RGS7: variants seen among roughly 807,000 people sequenced by gnomAD.
RGS7 encodes the protein regulator of G protein signaling 7.
In RGS7, 27 loss-of-function variants were observed where a neutral mutation model predicts 81.1. That is an observed-to-expected ratio of 0.33 (90% CI 0.25 to 0.46). The LOEUF is 0.46. RGS7 is among the 20% of genes least tolerant of loss of function. The pLI is 1.00. For synonymous variants in RGS7, 208 were observed against 207.7 expected (o/e 1.00, Z -0.01); for missense variants, 396 against 607.4 (o/e 0.65, Z 3.66).
chr1:240,882,242 G>C (rs554227090), intron 6 of RGS7, among the ~76,000 whole-genome samples: 16 of 152,254 alleles, frequency 1.1e-4, no homozygotes, highest in African/African-American at 3.6e-4. Flanking sequence ...ACCCTCCTGG[G>C]AGGTGGTGTC....
intron 2 of RGS7, among the ~76,000 whole-genome samples, chr1:241,200,425 C>A (rs1436680951): frequency 6.6e-6 from 1 of 152,136 alleles, no homozygotes; most frequent in Non-Finnish European, 1.5e-5. Flanking sequence ...AAATTCTTCC[C>A]ATGATTTGAT....
At chr1:240,947,894 T>C (rs261797) in intron 4 of RGS7, among the ~76,000 whole-genome samples, 151,250 of 152,286 alleles carry the variant, frequency 0.99, 75,122 homozygotes, top group Middle Eastern at 1. Context: ...CATCTTTACA[T>C]ATCCTCCTCT....
chr1:241,028,633 G>T (rs985417975), intron 3 of RGS7, among the ~76,000 whole-genome samples: 2 of 152,308 alleles, frequency 1.3e-5, no homozygotes, highest in African/African-American at 4.8e-5. Flanking sequence ...TGAAGAGGCA[G>T]GCAAGATGCA....
At chr1:241,203,490 A>G (rs1215377242) in intron 2 of RGS7, among the ~76,000 whole-genome samples, 1 of 152,120 alleles carries the variant, frequency 6.6e-6, no homozygotes, top group Non-Finnish European at 1.5e-5. Context: ...TCGGGCTCCC[A>G]AAGTGCTGGG....
intron 2 of RGS7, among the ~76,000 whole-genome samples, chr1:241,293,367 C>T (rs542316552): frequency 5.3e-5 from 8 of 152,104 alleles, no homozygotes; most frequent in East Asian, 1.9e-4. Flanking sequence ...TTTTTACTTA[C>T]GTAAGTAGAA....
At chr1:241,175,280 A>G (rs2071047071) in intron 2 of RGS7, among the ~76,000 whole-genome samples, 1 of 152,164 alleles carries the variant, frequency 6.6e-6, no homozygotes, top group African/African-American at 2.4e-5. Flanking sequence ...AAGCTATAAC[A>G]TTCTCTAGCA....
chr1:240,960,522 G>A (rs553153139), intron 4 of RGS7, among the ~76,000 whole-genome samples: 139 of 147,334 alleles, frequency 9.4e-4, no homozygotes, highest in African/African-American at 3.2e-3. Flanking sequence ...GATTACAGGC[G>A]TGAGCCACTG....
chr1:240,900,819 G>A (rs1669872864), intron 6 of RGS7, among the ~76,000 whole-genome samples: 1 of 152,204 alleles, frequency 6.6e-6, no homozygotes, highest in Admixed American at 6.5e-5. Flanking sequence ...TCTCTTCAAA[G>A]CTGTCAGACA....
intron 3 of RGS7, among the ~76,000 whole-genome samples, chr1:241,078,768 T>TAATA (rs1325837368): frequency 6.6e-6 from 1 of 152,154 alleles, no homozygotes; most frequent in African/African-American, 2.4e-5. Context: ...TATGAGCACT[T>TAATA]AATAAATGCT....
intron 3 of RGS7, among the ~76,000 whole-genome samples, chr1:241,065,489 G>C (rs1190515987): frequency 6.6e-6 from 1 of 151,908 alleles, no homozygotes; most frequent in African/African-American, 2.4e-5. Context: ...TATGTTGTAG[G>C]AAACACCTCG....
At chr1:240,795,593 C>T (rs1276187702) in intron 18 of RGS7, among the ~76,000 whole-genome samples, 1 of 152,088 alleles carries the variant, frequency 6.6e-6, no homozygotes, top group African/African-American at 2.4e-5. Flanking sequence ...CAATATATAA[C>T]TTTGATTTTA....
At chr1:241,305,895 T>C (rs34404740) in intron 2 of RGS7, 73,347 of 201,296 alleles carry the variant, frequency 0.36, 14,287 homozygotes, top group Middle Eastern at 0.45. Flanking sequence ...ACCATGGCTG[T>C]TGCTCTCCGA....
Position 240,868,155 on chromosome 1 carries a change from A to AAAGAAAGG in RGS7, c.609+431_609+432insCCTTTCTT, listed in dbSNP as rs1165591408. Among the ~76,000 whole-genome samples, 1 of 148,886 alleles carries AAAGAAAGG rather than the reference A, an allele frequency of 6.7e-6. No individual in the cohort carries two copies. The highest frequency in any genetic ancestry group is 6.7e-5 in the Admixed American group (1 of 14,910). ...GAAAGAAAGAAAGAAAGAAAGAAAG[A>AAAGAAAGG]AAGGACGGAGGGAGGGAAGGACGAA... On this transcript the variant is annotated intron_variant, in intron 9 of 18. Transcript: ENST00000440928. The surrounding 1 kb of genome is among the most constrained non-coding windows in gnomAD (Gnocchi z 5.1).
chr1:241,328,189 C>T (rs2081733689), intron 2 of RGS7, among the ~76,000 whole-genome samples: 1 of 152,204 alleles, frequency 6.6e-6, no homozygotes, highest in Non-Finnish European at 1.5e-5. Context: ...TCATAGGAAT[C>T]TATTCCTGTT....
intron 3 of RGS7, among the ~76,000 whole-genome samples, chr1:241,031,429 G>A (rs1219909832): frequency 1.3e-5 from 2 of 152,124 alleles, no homozygotes; most frequent in South Asian, 2.1e-4. Context: ...ATTGTGCTGT[G>A]ATAAACATAC....
chr1:241,025,854 C>T (rs2059755635), intron 3 of RGS7, among the ~76,000 whole-genome samples: 1 of 152,158 alleles, frequency 6.6e-6, no homozygotes, highest in Non-Finnish European at 1.5e-5. Flanking sequence ...ACAGTGGACT[C>T]ACTTTCTGGA....
chr1:240,839,676 G>A (rs1284090372), intron 9 of RGS7, among the ~76,000 whole-genome samples: 1 of 152,122 alleles, frequency 6.6e-6, no homozygotes, highest in Non-Finnish European at 1.5e-5. Flanking sequence ...GCATTCTTGG[G>A]TTGCATCTCC....
intron 3 of RGS7, among the ~76,000 whole-genome samples, chr1:240,994,521 C>G (rs979247768): frequency 6.6e-6 from 1 of 152,080 alleles, no homozygotes; most frequent in Non-Finnish European, 1.5e-5. Flanking sequence ...TATTGCATAT[C>G]CTGTAATCTT....
intron 4 of RGS7, among the ~76,000 whole-genome samples, chr1:240,982,405 A>T (rs1172318260): frequency 3.4e-5 from 5 of 146,740 alleles, no homozygotes; most frequent in Non-Finnish European, 6.0e-5. Flanking sequence ...CTGGGCAACA[A>T]GAGTGAAACT....
Sources: allele counts gnomAD v4.1 joint callset (sites outside exome capture counted in the v4.1 genomes callset), GRCh38; gene constraint gnomAD v4.1.1; non-coding constraint Gnocchi (gnomAD v3.1); transcripts MANE v1.5; gene names NCBI Gene and HGNC (gene_info 2026-07-23, HGNC 2026-07-21).